The following MTMR10 variants were observed in gnomAD, a reference collection of about 807,000 sequenced individuals.
MTMR10 encodes myotubularin-related protein 10.
A neutral mutation model predicts 88.1 loss-of-function variants in MTMR10; 56 were observed. The ratio of observed to expected loss-of-function variants is 0.64; its 90% CI spans 0.51 to 0.79. MTMR10 has a LOEUF of 0.79. Ranked by LOEUF, MTMR10 falls within the 30% of genes least tolerant of loss-of-function variation. The probability of loss-of-function intolerance (pLI) is 0.00; values close to 1 mark genes in which losing one functional copy is unlikely to be tolerated. For missense variants in MTMR10, 883 were observed against 924.7 expected (o/e 0.95, Z 0.58); for synonymous variants, 380 against 340.9 (o/e 1.11, Z -1.26).
chr15:30,953,700 T>C (rs2063282674), intron 10 of MTMR10, 69 bp from the exon 11 acceptor site: 1 of 998,932 alleles, frequency 1.0e-6, no homozygotes, highest in Non-Finnish European at 1.5e-6. Context: ...AGTAAAGAGA[T>C]ACATCAGTTT....
intron 6 of MTMR10, among the ~76,000 whole-genome samples, chr15:30,967,273 T>C (rs540865908): frequency 8.5e-5 from 13 of 152,204 alleles, no homozygotes; most frequent in Non-Finnish European, 1.9e-4. Flanking sequence ...AAAAATTGTT[T>C]ATTAAAATTA....
At chr15:30,967,610 T>A (rs112178704) in intron 6 of MTMR10, among the ~76,000 whole-genome samples, 208 of 152,298 alleles carry the variant, frequency 1.4e-3, no homozygotes, top group African/African-American at 4.4e-3. Context: ...TTACTTTAAC[T>A]CAAGCTATCA....
chr15:30,966,726 C>T (rs2063476257), intron 6 of MTMR10, among the ~76,000 whole-genome samples: 1 of 138,782 alleles, frequency 7.2e-6, no homozygotes, highest in South Asian at 2.2e-4. Context: ...GCCTCAGTTA[C>T]AATTATGTAT....
At chr15:30,942,147 A>AACTC in intron 15 of MTMR10, 75 bp from the exon 16 acceptor site, 2 of 1,454,828 alleles carry the variant, frequency 1.4e-6, no homozygotes, top group Non-Finnish European at 1.9e-6. Flanking sequence ...GGCAAATATA[A>AACTC]ACTCAATACT....
chr15:30,925,259 C>T, the MTMR10 span: 1 of 1,614,152 alleles, frequency 6.2e-7, no homozygotes, highest in African/African-American at 1.3e-5. Flanking sequence ...CTTCCAGCAG[C>T]TCCCAGAAAT....
intron 12 of MTMR10, 118 bp from the exon 13 acceptor site, chr15:30,948,589 G>A: frequency 2.9e-6 from 3 of 1,018,346 alleles, no homozygotes; most frequent in Non-Finnish European, 4.2e-6. Flanking sequence ...TTCCAAATCT[G>A]TATAAGGAAA....
chr15:30,962,297 T>C (rs1166049986), intron 6 of MTMR10, among the ~76,000 whole-genome samples: 2 of 152,232 alleles, frequency 1.3e-5, no homozygotes, highest in African/African-American at 2.4e-5. Flanking sequence ...TGGCAATATC[T>C]GGTGACAGAT....
intron 12 of MTMR10, chr15:30,950,184 G>A (rs1296838244): frequency 2.0e-5 from 3 of 152,136 alleles, no homozygotes; most frequent in Non-Finnish European, 2.9e-5. Flanking sequence ...TCTCCAATAC[G>A]ATGAGAACAC....
the MTMR10 span, chr15:30,930,520 A>G: frequency 2.5e-6 from 4 of 1,570,538 alleles, no homozygotes; most frequent in South Asian, 1.2e-5. Context: ...GAAGTGGCTA[A>G]CTGTCCTGTG....
chr15:30,975,910 G>C lies in MTMR10; in HGVS notation c.259-907C>G, dbSNP rs934198155. On this transcript the variant is annotated intron_variant, in intron 3 of 15. Transcript: ENST00000435680. ...TTATAAAACAAAATACAAAATGGCT[G>C]ACAGAAAAGTCCAGGGTTTTTAAGT... 2.6e-5 allele frequency among the ~76,000 whole-genome samples: 4 copies of C among 152,026 alleles called. No individual in the cohort carries two copies. In the East Asian group the frequency reaches 7.7e-4, roughly 29 times the overall value.
chr15:30,937,418 C>CTCATTGAT (rs1566937531), downstream of MTMR10, among the ~76,000 whole-genome samples: 1 of 150,812 alleles, frequency 6.6e-6, no homozygotes, highest in African/African-American at 2.4e-5. Flanking sequence ...CTTGAATACA[C>CTCATTGAT]TCATTGATTC....
At chr15:30,928,035 C>T in the MTMR10 span, 329 of 990,356 alleles carry the variant, frequency 3.3e-4, 1 homozygote, top group African/African-American at 5.1e-3. Flanking sequence ...GTGTAGTACC[C>T]AGGGGGATGA....
chr15:30,940,202 G>A lies in MTMR10; in HGVS notation c.*1268C>T, dbSNP rs757456864. ...AGGAGTGTGGGGGAGGTGGTGCCCC[G>A]TTTCACTGCTGTAAGAAGCTTCAGC... On this transcript the variant is annotated 3_prime_UTR_variant, in exon 16 of 16. Coordinates refer to ENST00000435680, the MANE Select transcript of MTMR10 (RefSeq NM_017762.3). 19 of 985,234 alleles carry A rather than the reference G, an allele frequency of 1.9e-5. No homozygotes were observed. Among genetic ancestry groups the A allele is most frequent in the Admixed American group, 1.2e-4 (2 of 16,256 alleles). The allele number at this position is 985,234 out of a possible 1,614,324, so 61.0% of individuals were successfully genotyped here.
intron 5 of MTMR10, among the ~76,000 whole-genome samples, chr15:30,971,848 A>G (rs2141043612): frequency 6.6e-6 from 1 of 152,320 alleles, no homozygotes; most frequent in African/African-American, 2.4e-5. Context: ...TTTCCCAAAT[A>G]TCACTATTTT....
chr15:30,937,437 G>C (rs2062888275), downstream of MTMR10, among the ~76,000 whole-genome samples: 1 of 146,802 alleles, frequency 6.8e-6, no homozygotes, highest in Non-Finnish European at 1.5e-5. Flanking sequence ...TCCACACAGT[G>C]GGTAATAAAC....
chr15:30,972,300 T>C (rs993103220), intron 5 of MTMR10, among the ~76,000 whole-genome samples: 2 of 152,190 alleles, frequency 1.3e-5, no homozygotes, highest in Non-Finnish European at 2.9e-5. Flanking sequence ...GGTAGCCATA[T>C]ACAACTTAAC....
At chr15:30,942,173 A>G in intron 15 of MTMR10, 101 bp from the exon 16 acceptor site, 1 of 1,358,016 alleles carries the variant, frequency 7.4e-7, no homozygotes, top group Non-Finnish European at 1.0e-6. Flanking sequence ...AAATTAATGG[A>G]ATTTCAGCCT....
At position 30,940,149 on chromosome 15, in the gene MTMR10, A is replaced by G. The variant is rs935376678; in HGVS notation, c.*1321T>C. ...GCAGTTTAAGAAACAGTCAAATTTG[A>G]AAGTATCCATGTTTTAAGCGGGGAA... On this transcript the variant is annotated 3_prime_UTR_variant, in exon 16 of 16. Coordinates refer to ENST00000435680, the MANE Select transcript of MTMR10 (RefSeq NM_017762.3). The G allele has an allele frequency of 6.1e-6, 6 of 985,348 alleles. No individual in the cohort carries two copies. Among genetic ancestry groups the G allele is most frequent in the Non-Finnish European group, 7.2e-6 (6 of 829,942 alleles). The allele number at this position is 985,348 out of a possible 1,614,324, so 61.0% of individuals were successfully genotyped here. A position where few individuals can be genotyped will look rare whatever the true frequency, so the allele number is the denominator to read the frequency against.
chr15:30,939,024 G>C lies in MTMR10; in HGVS notation c.*2446C>G, dbSNP rs2062950483. ...GAACAACAAGATAACACATCTTCTT[G>C]CTCATCCCACTTGAACTCAAGTCAT... On this transcript the variant is annotated 3_prime_UTR_variant, in exon 16 of 16. Coordinates refer to ENST00000435680, the MANE Select transcript of MTMR10 (RefSeq NM_017762.3). 7 of 985,144 alleles carry C rather than the reference G, an allele frequency of 7.1e-6. No individual in the cohort carries two copies. Among genetic ancestry groups the C allele is most frequent in the Non-Finnish European group, 8.4e-6 (7 of 829,862 alleles). The allele number at this position is 985,144 out of a possible 1,614,324, so 61.0% of individuals were successfully genotyped here. A position where few individuals can be genotyped will look rare whatever the true frequency, so the allele number is the denominator to read the frequency against.
Sources: allele counts gnomAD v4.1 joint callset (sites outside exome capture counted in the v4.1 genomes callset), GRCh38; gene constraint gnomAD v4.1.1; transcripts MANE v1.5; gene names NCBI Gene and HGNC (gene_info 2026-07-23, HGNC 2026-07-21).